The following CSMD1 variants were observed in gnomAD, a reference collection of about 807,000 sequenced individuals.
CSMD1 encodes CUB and Sushi multiple domains 1, also known as CUB and sushi domain-containing protein 1.
CSMD1 carries 213 observed loss-of-function variants against 417.5 expected under a neutral mutation model. The observed-to-expected ratio is 0.51, with a 90% CI of 0.46 to 0.57. The LOEUF is 0.57. Ranked by LOEUF, CSMD1 falls within the 20% of genes least tolerant of loss-of-function variation. CSMD1 has a pLI of 0.00. For missense variants in CSMD1, 6,923 were observed against 4,529.7 expected (o/e 1.53, Z -15.17); for synonymous variants, 2,862 against 1,736.8 (o/e 1.65, Z -16.11).
At chr8:4,251,425 G>T (rs73498592) in intron 3 of CSMD1, among the ~76,000 whole-genome samples, 14,711 of 152,212 alleles carry the variant, frequency 0.097, 999 homozygotes, top group East Asian at 0.33. Context: ...GCAATAACAT[G>T]AGACAAGACC....
At chr8:4,156,841 G>A (rs530658097) in intron 3 of CSMD1, among the ~76,000 whole-genome samples, 5 of 151,716 alleles carry the variant, frequency 3.3e-5, no homozygotes, top group Non-Finnish European at 5.9e-5. Flanking sequence ...CACAATCACA[G>A]GGAGGCTTTT....
At chr8:4,897,137 G>A (rs1804550409) in intron 1 of CSMD1, among the ~76,000 whole-genome samples, 1 of 152,044 alleles carries the variant, frequency 6.6e-6, no homozygotes, top group Admixed American at 6.5e-5. Flanking sequence ...TTATGAGCAA[G>A]GCAGGTGCAC....
At chr8:4,526,887 G>A (rs1245510199) in intron 2 of CSMD1, among the ~76,000 whole-genome samples, 1 of 151,878 alleles carries the variant, frequency 6.6e-6, no homozygotes, top group African/African-American at 2.4e-5. Flanking sequence ...GATTCCAGAA[G>A]ACTATTGTGA....
At chr8:4,137,339 C>G (rs1478335308) in intron 3 of CSMD1, among the ~76,000 whole-genome samples, 1 of 152,150 alleles carries the variant, frequency 6.6e-6, no homozygotes, top group East Asian at 1.9e-4. Flanking sequence ...CAGGCTAACT[C>G]AGACATGTTG....
intron 1 of CSMD1, among the ~76,000 whole-genome samples, chr8:4,791,164 G>C (rs1004827675): frequency 6.6e-6 from 1 of 152,128 alleles, no homozygotes; most frequent in East Asian, 1.9e-4. Flanking sequence ...AACACATGGA[G>C]ATAAGCCAAG....
intron 10 of CSMD1, among the ~76,000 whole-genome samples, chr8:3,546,529 C>CATCA (rs146051959): frequency 0.011 from 1,496 of 131,230 alleles, 27 homozygotes; most frequent in East Asian, 0.056. Flanking sequence ...AGTGAGACTC[C>CATCA]AAAAAAAAAG....
rs1796530552 is a variant in CSMD1, at chr8:4,409,574, C to T, written c.415+10379G>A. ...CAGAACATGCCACTCAACACTTCAG[C>T]AGGGATGAATTTGTTCTGTGTACTC... On this transcript the variant is annotated intron_variant, in intron 3 of 69. Transcript: ENST00000635120. Among the ~76,000 whole-genome samples the T allele has an allele frequency of 3.3e-5, 5 of 151,822 alleles. No homozygotes were observed. The South Asian group carries it at 8.3e-4, about 25-fold the overall frequency.
At chr8:3,391,815 C>G (rs1329037069) in intron 17 of CSMD1, among the ~76,000 whole-genome samples, 2 of 152,100 alleles carry the variant, frequency 1.3e-5, no homozygotes, top group Non-Finnish European at 2.9e-5. Flanking sequence ...TGGCATGGGC[C>G]TCTATGGGCA....
chr8:3,837,241 G>C (rs1454941893), intron 5 of CSMD1, among the ~76,000 whole-genome samples: 5 of 152,044 alleles, frequency 3.3e-5, no homozygotes, highest in Non-Finnish European at 5.9e-5. Flanking sequence ...CATAGCTAAA[G>C]CTTATTCAAC....
intron 3 of CSMD1, among the ~76,000 whole-genome samples, chr8:4,246,174 A>T (rs1280416984): frequency 6.6e-6 from 1 of 152,050 alleles, no homozygotes; most frequent in African/African-American, 2.4e-5. Flanking sequence ...TCTTTCTTCC[A>T]ATATTCCATC....
intron 5 of CSMD1, among the ~76,000 whole-genome samples, chr8:3,859,402 T>C (rs1433054546): frequency 6.6e-6 from 1 of 152,222 alleles, no homozygotes; most frequent in Non-Finnish European, 1.5e-5. Context: ...AAATATATTT[T>C]GTTTACAGAT....
chr8:4,404,307 A>G (rs937410321), intron 3 of CSMD1, among the ~76,000 whole-genome samples: 1 of 152,028 alleles, frequency 6.6e-6, no homozygotes, highest in Non-Finnish European at 1.5e-5. Flanking sequence ...TCAATCATGT[A>G]TTTGTTTATG....
intron 3 of CSMD1, among the ~76,000 whole-genome samples, chr8:4,383,866 A>T (rs1351492643): frequency 1.3e-5 from 2 of 152,232 alleles, no homozygotes; most frequent in African/African-American, 4.8e-5. Flanking sequence ...CAGAATTTTA[A>T]AGAAGAAAAT....
intron 41 of CSMD1, among the ~76,000 whole-genome samples, chr8:3,138,161 G>C (rs1363525678): frequency 1.3e-5 from 2 of 152,222 alleles, no homozygotes; most frequent in Non-Finnish European, 1.5e-5. Context: ...GGGAGGCAGA[G>C]GGTGCAGTGA....
At chr8:4,847,315 A>AC (rs1222615421) in intron 1 of CSMD1, among the ~76,000 whole-genome samples, 2 of 152,250 alleles carry the variant, frequency 1.3e-5, no homozygotes, top group East Asian at 3.8e-4. Flanking sequence ...ATAATTTCAG[A>AC]CAACAGATCT....
intron 3 of CSMD1, among the ~76,000 whole-genome samples, chr8:4,152,919 G>C (rs142230293): frequency 6.6e-6 from 1 of 152,046 alleles, no homozygotes; most frequent in Non-Finnish European, 1.5e-5. Context: ...TTTATGAAAG[G>C]TGTATACTCT....
intron 23 of CSMD1, among the ~76,000 whole-genome samples, chr8:3,311,411 A>G (rs926361470): frequency 5.3e-5 from 8 of 152,106 alleles, no homozygotes; most frequent in Admixed American, 3.9e-4. Flanking sequence ...CATCACACCC[A>G]GCTAATTTTT....
At chr8:4,202,927 A>T (rs1030218617) in intron 3 of CSMD1, among the ~76,000 whole-genome samples, 1 of 152,020 alleles carries the variant, frequency 6.6e-6, no homozygotes, top group Non-Finnish European at 1.5e-5. Context: ...GTGAGGAGAG[A>T]TGTTGGCCTT....
At chr8:4,336,811 C>T (rs886838755) in intron 3 of CSMD1, among the ~76,000 whole-genome samples, 2 of 152,092 alleles carry the variant, frequency 1.3e-5, no homozygotes, top group South Asian at 4.2e-4. Context: ...AAGGCAGGCT[C>T]TCAGTAACTA....
Sources: gnomAD v4.1 joint callset for allele counts (sites outside exome capture counted in the v4.1 genomes callset) on GRCh38, gnomAD v4.1.1 for gene constraint, MANE v1.5 for transcripts, NCBI Gene and HGNC (gene_info 2026-07-23, HGNC 2026-07-21) for gene names.